The following KITLG variants were observed in gnomAD, a reference collection of about 807,000 sequenced individuals.
KITLG encodes the protein KIT ligand.
Under a neutral mutation model 34.1 loss-of-function variants are expected in KITLG, and 13 were observed. The observed-to-expected ratio is 0.38, with a 90% CI of 0.25 to 0.61. KITLG has a LOEUF of 0.61. Among genes scored for constraint, KITLG ranks in the 20% least tolerant of loss-of-function variants. The pLI is 0.60. For missense variants in KITLG, 292 were observed against 318.9 expected (o/e 0.92, Z 0.64); for synonymous variants, 110 against 104.0 (o/e 1.06, Z -0.35).
At chr12:88,569,083 G>A (rs565152261) in intron 1 of KITLG, among the ~76,000 whole-genome samples, 1 of 152,160 alleles carries the variant, frequency 6.6e-6, no homozygotes, top group East Asian at 1.9e-4. Context: ...ACTCATATAG[G>A]GAAAAGTAGG....
intron 3 of KITLG, among the ~76,000 whole-genome samples, chr12:88,530,290 C>G (rs7969188): frequency 0.79 from 120,190 of 152,028 alleles, 49,817 homozygotes; most frequent in Middle Eastern, 0.94. Flanking sequence ...TGATGACCTA[C>G]GGGTTTCTTT....
At chr12:88,510,594 C>G (rs1869239545) in intron 6 of KITLG, among the ~76,000 whole-genome samples, 1 of 152,162 alleles carries the variant, frequency 6.6e-6, no homozygotes, top group Non-Finnish European at 1.5e-5. Flanking sequence ...TAGGTACTGT[C>G]TGCAAGAATC....
chr12:88,510,987 C>T (rs11104911), intron 6 of KITLG, among the ~76,000 whole-genome samples: 12,838 of 152,156 alleles, frequency 0.084, 571 homozygotes, highest in Non-Finnish European at 0.1. Flanking sequence ...AAATCTTGTC[C>T]TGTGCAGAGG....
At chr12:88,561,947 C>T (rs1871310213) in intron 1 of KITLG, among the ~76,000 whole-genome samples, 1 of 15,606 alleles carries the variant, frequency 6.4e-5, no homozygotes, top group South Asian at 3.4e-3. Context: ...TTAAGGAGCA[C>T]CTCTTATCAC....
intron 3 of KITLG, among the ~76,000 whole-genome samples, chr12:88,524,594 AT>A (rs968912791): frequency 4.0e-4 from 60 of 148,510 alleles, no homozygotes; most frequent in African/African-American, 6.1e-4. Flanking sequence ...GTTTTTATTT[AT>A]TTTTTTTTTA....
At chr12:88,566,270 T>G (rs1872048420) in intron 1 of KITLG, among the ~76,000 whole-genome samples, 2 of 152,214 alleles carry the variant, frequency 1.3e-5, no homozygotes. Flanking sequence ...ATTCTTAGAA[T>G]GCTGACAGGT....
At chr12:88,548,151 T>G (rs1870778339) in intron 1 of KITLG, among the ~76,000 whole-genome samples, 1 of 152,100 alleles carries the variant, frequency 6.6e-6, no homozygotes, top group African/African-American at 2.4e-5. Flanking sequence ...AGTGTACTGC[T>G]GAGTTTTAAG....
chr12:88,574,786 C>T (rs1203489147), intron 1 of KITLG, among the ~76,000 whole-genome samples: 1 of 152,190 alleles, frequency 6.6e-6, no homozygotes, highest in Non-Finnish European at 1.5e-5. Flanking sequence ...CTTATCTCCT[C>T]TGGTTAGCTG....
Position 88,539,873 on chromosome 12 carries a change from C to T in KITLG, c.129+5879G>A, listed in dbSNP as rs1465359957. Among the ~76,000 whole-genome samples, 12 of 151,928 alleles carry T rather than the reference C, an allele frequency of 7.9e-5. No individual in the cohort carries two copies. In the East Asian group the frequency reaches 1.9e-3, roughly 25 times the overall value. On this transcript the variant is annotated intron_variant, in intron 2 of 9. Coordinates refer to ENST00000644744, the MANE Select transcript of KITLG (RefSeq NM_000899.5). ...CCAGGAGTTTGAGGCTCCAGTGAGC[C>T]ATGATTGCACCACTGTACCCCAGAC... is the stretch of plus-strand genomic sequence containing the variant.
chr12:88,559,220 CT>C (rs1435501418), intron 1 of KITLG, among the ~76,000 whole-genome samples: 2 of 152,168 alleles, frequency 1.3e-5, no homozygotes, highest in African/African-American at 2.4e-5. Context: ...ATCAGACGCC[CT>C]TTAAGTTATC....
At chr12:88,551,889 C>T (rs993771720) in intron 1 of KITLG, among the ~76,000 whole-genome samples, 6 of 152,070 alleles carry the variant, frequency 3.9e-5, no homozygotes, top group Non-Finnish European at 2.9e-5. Context: ...CAATCTAATC[C>T]CCATGGTCCT....
At chr12:88,513,907 C>A (rs1450213008) in intron 6 of KITLG, among the ~76,000 whole-genome samples, 1 of 151,564 alleles carries the variant, frequency 6.6e-6, no homozygotes, top group African/African-American at 2.4e-5. Context: ...ACACTATCAA[C>A]CATTTTGGCC....
chr12:88,493,515 A>G lies in KITLG; in HGVS notation c.*3704T>C, dbSNP rs1158413925. 1.3e-5 allele frequency: 2 copies of G among 152,074 alleles called. No homozygotes were observed. The highest frequency in any genetic ancestry group is 2.9e-5 in the Non-Finnish European group (2 of 67,864). The allele number at this position is 152,074 out of a possible 1,614,324, so 9.4% of individuals were successfully genotyped here. A position where few individuals can be genotyped will look rare whatever the true frequency, so the allele number is the denominator to read the frequency against. ...TGAGCTAATTAGAATTTCAATCTGA[A>G]TGGTTTTATTTTAAAGCCAATTTCA... On this transcript the variant is annotated 3_prime_UTR_variant, in exon 10 of 10. Transcript: ENST00000644744.
Position 88,515,599 on chromosome 12 carries a change from G to T in KITLG, c.539C>A (p.Thr180Lys). Residue 180 changes from threonine (T) to lysine (K), a missense_variant, in exon 6 of 10, where the codon ACA (threonine) becomes AAA (lysine). Physicochemically the swap from Thr to Lys is moderately conservative, Grantham distance 78. Around this residue, in one of 2 missense-constraint regions of KITLG, gnomAD observed 140 missense variants for 111.0 expected, o/e 1.26. Coordinates refer to ENST00000644744, the MANE Select transcript of KITLG (RefSeq NM_000899.5). ...SPEKDSRVSV[T>K]KPFMLPPVAA... The stretch of plus-strand genomic sequence containing the variant: ...AACAGGGGGTAACATAAATGGTTTT[G>T]TGACACTGACTCTGGAATCTAAATA... 6.2e-7 allele frequency: 1 copy of T among 1,610,146 alleles called. No homozygotes were observed. The highest frequency in any genetic ancestry group is 8.5e-7 in the Non-Finnish European group (1 of 1,176,944).
intron 6 of KITLG, among the ~76,000 whole-genome samples, chr12:88,513,727 A>G (rs566663619): frequency 6.6e-6 from 1 of 151,854 alleles, no homozygotes; most frequent in South Asian, 2.1e-4. Context: ...AACAATAATC[A>G]ATGTATAAGC....
At chr12:88,548,627 C>A (rs1445314202) in intron 1 of KITLG, among the ~76,000 whole-genome samples, 3 of 152,076 alleles carry the variant, frequency 2.0e-5, no homozygotes, top group Non-Finnish European at 2.9e-5. Flanking sequence ...AGCTGAGCAG[C>A]TTTTTAGGGA....
chr12:88,565,712 CAG>C, intron 1 of KITLG, among the ~76,000 whole-genome samples: 1 of 152,234 alleles, frequency 6.6e-6, no homozygotes, highest in South Asian at 2.1e-4. Context: ...TAGGAACAAA[CAG>C]ATCAGGTTTG....
intron 3 of KITLG, among the ~76,000 whole-genome samples, chr12:88,529,387 G>C (rs1869996736): frequency 1.3e-5 from 2 of 152,062 alleles, no homozygotes; most frequent in Admixed American, 1.3e-4. Flanking sequence ...CAATATAATA[G>C]TTTCAAAGAG....
chr12:88,537,039 C>T (rs1870345001), intron 2 of KITLG, among the ~76,000 whole-genome samples: 1 of 152,020 alleles, frequency 6.6e-6, no homozygotes, highest in African/African-American at 2.4e-5. Context: ...AAAGGGAATG[C>T]ATATACACTG....
Sources: allele counts gnomAD v4.1 joint callset (sites outside exome capture counted in the v4.1 genomes callset), GRCh38; gene constraint gnomAD v4.1.1; regional missense constraint gnomAD v4.1.1; transcripts MANE v1.5; gene names NCBI Gene and HGNC (gene_info 2026-07-23, HGNC 2026-07-21).